The following PLCH2 variants were observed in gnomAD, a reference collection of about 807,000 sequenced individuals.
PLCH2 encodes the protein 1-phosphatidylinositol 4,5-bisphosphate phosphodiesterase eta-2.
In PLCH2, 98 loss-of-function variants were observed where a neutral mutation model predicts 134.7. The observed-to-expected ratio is 0.73, with a 90% CI of 0.62 to 0.86. The LOEUF is 0.86. PLCH2 is among the 40% of genes least tolerant of loss of function. The probability of loss-of-function intolerance (pLI) is 0.00; values close to 1 mark genes in which losing one functional copy is unlikely to be tolerated. For missense variants in PLCH2, 1,994 were observed against 1,986.6 expected (o/e 1.00, Z -0.07); for synonymous variants, 974 against 827.5 (o/e 1.18, Z -3.04).
chr1:2,500,080 T>A (rs2100732937), intron 20 of PLCH2: 1 of 342,512 alleles, frequency 2.9e-6, no homozygotes, highest in Non-Finnish European at 5.5e-6. Context: ...GACCGAGTGA[T>A]GCCCCTCTCC....
At chr1:2,420,027 C>T in the PLCH2 span, among the ~76,000 whole-genome samples, 2 of 151,456 alleles carry the variant, frequency 1.3e-5, no homozygotes, top group African/African-American at 4.9e-5. Flanking sequence ...GTGCTGCCTC[C>T]CCAGTAGCCT....
chr1:2,504,797 A>G lies in PLCH2; in HGVS notation c.3835A>G (p.Ser1279Gly). ...GGGCGGCTCCCGCAGACTGAGCCAC[A>G]GCCTGGGCCTCCCGGGAGGGACACG... Reference protein sequence around the residue: ...FEGGSRRLSHSLGLPGGTRRV... With the variant: ...FEGGSRRLSHGLGLPGGTRRV... The change falls in exon 22 of 22, where the codon AGC (serine) becomes GGC (glycine). Residue 1279 changes from serine (S) to glycine (G), a missense_variant. Around this residue, in one of 2 missense-constraint regions of PLCH2, gnomAD observed 900 missense variants for 752.3 expected, o/e 1.20. Coordinates refer to ENST00000378486, the MANE Select transcript of PLCH2 (RefSeq NM_014638.4). The G allele has an allele frequency of 6.2e-7, 1 of 1,612,016 alleles. No homozygotes were observed. The highest frequency in any genetic ancestry group is 8.5e-7 in the Non-Finnish European group (1 of 1,179,614).
intron 2 of PLCH2, among the ~76,000 whole-genome samples, chr1:2,447,991 C>T (rs1359611853): frequency 6.6e-6 from 1 of 152,208 alleles, no homozygotes; most frequent in Non-Finnish European, 1.5e-5. Flanking sequence ...ATCATTCAGA[C>T]CAGGCTGTGC....
chr1:2,421,161 T>G (rs1638498396), upstream of PLCH2, among the ~76,000 whole-genome samples: 1 of 152,166 alleles, frequency 6.6e-6, no homozygotes, highest in Non-Finnish European at 1.5e-5. Flanking sequence ...GCCAGGCTGG[T>G]CTCGAACTCC....
upstream of PLCH2, among the ~76,000 whole-genome samples, chr1:2,466,910 G>A (rs1053885352): frequency 1.3e-5 from 2 of 152,200 alleles, no homozygotes; most frequent in South Asian, 2.1e-4. Flanking sequence ...AGCCGTCACC[G>A]TCACCATCAC....
the PLCH2 span, among the ~76,000 whole-genome samples, chr1:2,416,795 T>G: frequency 6.6e-6 from 1 of 152,126 alleles, no homozygotes; most frequent in South Asian, 2.1e-4. Flanking sequence ...TGGGCTGGCC[T>G]GGGAAGTGAT....
chr1:2,497,321 G>A (rs778834865), intron 15 of PLCH2, among the ~76,000 whole-genome samples, 181 bp from the exon 16 acceptor site: 10 of 152,246 alleles, frequency 6.6e-5, no homozygotes, highest in Non-Finnish European at 1.5e-4. Context: ...CCTCCAGGAT[G>A]TGCTGGCCTC....
chr1:2,491,986 G>A (rs1388300033), intron 11 of PLCH2, among the ~76,000 whole-genome samples: 3 of 152,204 alleles, frequency 2.0e-5, no homozygotes, highest in South Asian at 2.1e-4. Flanking sequence ...AGTGGGGAGC[G>A]TGGGTGGGCC....
intron 4 of PLCH2, 63 bp from the exon 5 acceptor site, chr1:2,484,385 G>T (rs1309979987): frequency 1.3e-6 from 2 of 1,543,576 alleles, no homozygotes; most frequent in Non-Finnish European, 1.8e-6. Flanking sequence ...TGGTCCTGAA[G>T]GACCCCTGTG....
At chr1:2,466,486 C>G (rs531096796), upstream of PLCH2, among the ~76,000 whole-genome samples, 180 of 152,298 alleles carry the variant, frequency 1.2e-3, no homozygotes, top group Non-Finnish European at 2.3e-3. Context: ...CCCTCCCCCT[C>G]CACACCTGGG....
upstream of PLCH2, among the ~76,000 whole-genome samples, chr1:2,425,116 T>G: frequency 6.9e-6 from 1 of 144,250 alleles, no homozygotes. Context: ...TGAGCGGAGA[T>G]CGCGCCACCG....
intron 2 of PLCH2, among the ~76,000 whole-genome samples, chr1:2,451,522 G>A (rs1013999348): frequency 6.6e-6 from 1 of 152,318 alleles, no homozygotes; most frequent in East Asian, 1.9e-4. Flanking sequence ...CCCAGGAACT[G>A]GCTCCAAGGG....
intron 2 of PLCH2, 52 bp from the exon 3 acceptor site, chr1:2,479,682 G>C: frequency 8.7e-6 from 13 of 1,500,544 alleles, no homozygotes; most frequent in Non-Finnish European, 1.1e-5. Flanking sequence ...CTGCCAGCAG[G>C]GGGACGCTGG....
In PLCH2 at chr1:2,436,340, C is replaced by CT. The variant is rs1557943026; in HGVS notation, c.115+5711_115+5712insT. On this transcript the variant is annotated intron_variant, in intron 2 of 3. Coordinates refer to the PLCH2 transcript ENST00000609981. ...TTCCTCCCTCCTCCCTTCCTCCCTCCACCTTTCCTCCCTTCCTCCCTCCTC... is the reference window on the plus strand; with the variant it reads ...TTCCTCCCTCCTCCCTTCCTCCCTCCTACCTTTCCTCCCTTCCTCCCTCCTC... Among the ~76,000 whole-genome samples, 5 of 11,172 alleles carry CT rather than the reference C, an allele frequency of 4.5e-4. 2 individuals are homozygous for CT. The highest frequency in any genetic ancestry group is 0.018 in the East Asian group (2 of 112). 7.3% of individuals were successfully genotyped at this position (11,172 alleles called of 152,430 possible). A position where few individuals can be genotyped will look rare whatever the true frequency, so the allele number is the denominator to read the frequency against.
chr1:2,472,868 C>T (rs75509160), upstream of PLCH2, among the ~76,000 whole-genome samples: 19,561 of 152,066 alleles, frequency 0.13, 1,712 homozygotes, highest in South Asian at 0.18. Context: ...ATGCCCCTGT[C>T]GTGGGAGGGG....
At chr1:2,446,028 G>C (rs1309235903) in intron 2 of PLCH2, among the ~76,000 whole-genome samples, 1 of 151,706 alleles carries the variant, frequency 6.6e-6, no homozygotes, top group Non-Finnish European at 1.5e-5. Flanking sequence ...CCAGTGATGG[G>C]CACGCCGACG....
At chr1:2,491,376 C>G (rs1451550654) in intron 11 of PLCH2, 41 bp downstream of exon 11, 2 of 1,592,220 alleles carry the variant, frequency 1.3e-6, no homozygotes, top group Admixed American at 1.7e-5. Flanking sequence ...CCGACAGGCC[C>G]CCCCGACAGC....
At chr1:2,491,459 C>T (rs778672035) in intron 11 of PLCH2, 124 bp downstream of exon 11, 12 of 985,106 alleles carry the variant, frequency 1.2e-5, no homozygotes, top group Non-Finnish European at 1.8e-5. Context: ...CACAAATCTG[C>T]ACACAAGCAT....
chr1:2,460,356 G>A (rs767314589), intron 2 of PLCH2, among the ~76,000 whole-genome samples: 4 of 152,228 alleles, frequency 2.6e-5, no homozygotes, highest in Non-Finnish European at 4.4e-5. Flanking sequence ...TTCCTCTCCA[G>A]CTCTAAGCCA....
Sources: gnomAD v4.1 joint callset for allele counts (sites outside exome capture counted in the v4.1 genomes callset) on GRCh38, gnomAD v4.1.1 for gene constraint, gnomAD v4.1.1 regional missense constraint, MANE v1.5 for transcripts, NCBI Gene and HGNC (gene_info 2026-07-23, HGNC 2026-07-21) for gene names.